Variants in AP1G1 observed in about 807,000 individuals in gnomAD.
The protein encoded by AP1G1 is adaptor related protein complex 1 subunit gamma 1, also known as AP-1 complex subunit gamma-1.
In AP1G1, 7 loss-of-function variants were observed where a neutral mutation model predicts 108.3. The ratio of observed to expected loss-of-function variants is 0.06; its 90% CI spans 0.04 to 0.12. The LOEUF (loss-of-function observed/expected upper bound fraction) is 0.12. Ranked by LOEUF, AP1G1 falls within the 10% of genes least tolerant of loss-of-function variation. AP1G1 has a pLI of 1.00. For missense variants in AP1G1, 756 were observed against 1,010.7 expected, an observed-to-expected ratio of 0.75 and a Z score of 3.42; for synonymous variants, 379 against 353.5, an observed-to-expected ratio of 1.07 and a Z score of -0.81.
chr16:71,761,436 T>C, intron 10 of AP1G1, 76 bp downstream of exon 10: 1 of 1,041,248 alleles, frequency 9.6e-7, no homozygotes, highest in Non-Finnish European at 1.5e-6. Context: ...AATACATGTA[T>C]GATCTTGAGC....
At chr16:71,789,755 T>C (rs1261234969) in intron 1 of AP1G1, among the ~76,000 whole-genome samples, 1 of 152,210 alleles carries the variant, frequency 6.6e-6, no homozygotes, top group African/African-American at 2.4e-5. Flanking sequence ...ATGTAAAGTC[T>C]ATCACTAATA....
At chr16:71,785,742 C>T (rs1019884380) in intron 2 of AP1G1, among the ~76,000 whole-genome samples, 4 of 151,452 alleles carry the variant, frequency 2.6e-5, no homozygotes, top group Non-Finnish European at 5.9e-5. Flanking sequence ...ATTAGCCAGG[C>T]ATGGTGGCAG....
rs1191730477 is a variant in AP1G1, at chr16:71,774,600, A to C, written c.202-8T>G. On this transcript the variant is annotated splice_region_variant and splice_polypyrimidine_tract_variant and intron_variant, in intron 2 of 22. Coordinates refer to ENST00000299980, the MANE Select transcript of AP1G1 (RefSeq NM_001128.6). ...AAGCTTGAGGCACTCCAACTGCAAA[A>C]AAAGAAAAAAAAAAAGAAGGAAATT... The C allele has an allele frequency of 6.4e-7, 1 of 1,552,990 alleles. No individual in the cohort carries two copies.
intron 2 of AP1G1, among the ~76,000 whole-genome samples, chr16:71,781,286 C>CA (rs1230337606): frequency 6.6e-6 from 1 of 151,952 alleles, no homozygotes; most frequent in Non-Finnish European, 1.5e-5. Context: ...GGCAGAAAAA[C>CA]AAAAAACAAA....
chr16:71,774,750 C>T (rs986797100), intron 2 of AP1G1, among the ~76,000 whole-genome samples, 158 bp from the exon 3 acceptor site: 7 of 152,126 alleles, frequency 4.6e-5, no homozygotes, highest in East Asian at 3.9e-4. Flanking sequence ...GACGGGGTTT[C>T]GCTCTGGTTG....
At chr16:71,808,421 C>T (rs2033075706) in intron 1 of AP1G1, 14 of 1,143,708 alleles carry the variant, frequency 1.2e-5, no homozygotes, top group Non-Finnish European at 1.2e-5. Context: ...GGGGGTGGGG[C>T]CCGCCCCGCT....
chr16:71,740,792 A>ACGT (rs965940333), intron 19 of AP1G1, among the ~76,000 whole-genome samples: 1 of 152,248 alleles, frequency 6.6e-6, no homozygotes, highest in African/African-American at 2.4e-5. Flanking sequence ...GACAGTAGTT[A>ACGT]CGTCTGGAAT....
Position 71,769,667 on chromosome 16 carries a change from C to G in AP1G1, c.598G>C (p.Glu200Gln). Residue 200 changes from glutamate to glutamine, a missense_variant, in exon 6 of 23, where the codon GAA (glutamate) becomes CAA (glutamine). Transcript: ENST00000299980. ...VLHTSVVLLTEMCERSPDMLA... is the reference protein window; with the variant it reads ...VLHTSVVLLTQMCERSPDMLA... ...ATGTCTGGGCTTCGCTCACACATTTCTGTGAGGAGGACTACAGATGTGTGG... is the reference window on the plus strand; with the variant it reads ...ATGTCTGGGCTTCGCTCACACATTTGTGTGAGGAGGACTACAGATGTGTGG... 1.2e-6 allele frequency: 2 copies of G among 1,613,652 alleles called. No individual in the cohort carries two copies. Among genetic ancestry groups the G allele is most frequent in the Non-Finnish European group, 1.7e-6 (2 of 1,179,698 alleles).
chr16:71,736,558 ATTTAT>A (rs2045546900), intron 21 of AP1G1, among the ~76,000 whole-genome samples: 1 of 52,316 alleles, frequency 1.9e-5, no homozygotes. Flanking sequence ...TTTATTATTT[ATTTAT>A]TTATTTATTT....
chr16:71,766,449 G>T, intron 6 of AP1G1: 1 of 468,040 alleles, frequency 2.1e-6, no homozygotes, highest in Non-Finnish European at 4.4e-6. Context: ...TTTCATTTCT[G>T]TTGATCAATT....
At chr16:71,736,551 A>AT (rs1229484640) in intron 21 of AP1G1, among the ~76,000 whole-genome samples, 2 of 105,904 alleles carry the variant, frequency 1.9e-5, no homozygotes, top group African/African-American at 7.6e-5. Context: ...CGGCTAATTT[A>AT]TTATTTATTT....
At chr16:71,733,413 A>G (rs1375040239) in intron 22 of AP1G1, among the ~76,000 whole-genome samples, 1 of 152,116 alleles carries the variant, frequency 6.6e-6, no homozygotes, top group Non-Finnish European at 1.5e-5. Flanking sequence ...AACTGCATTA[A>G]AAGGACAGAA....
Position 71,754,536 on chromosome 16 carries a change from C to T in AP1G1, c.1230-649G>A, listed in dbSNP as rs1389240357. On this transcript the variant is annotated intron_variant, in intron 12 of 22. Transcript: ENST00000299980. ...AGTCAACTGACTTCAGTGGCTCATG[C>T]CTATAATCCCAGTACTTTGGGACGC... Among the ~76,000 whole-genome samples, 3 of 152,272 alleles carry T rather than the reference C, an allele frequency of 2.0e-5. No homozygotes were observed. In the East Asian group the frequency reaches 5.8e-4, roughly 29 times the overall value.
At chr16:71,786,649 G>A (rs950503573) in intron 2 of AP1G1, among the ~76,000 whole-genome samples, 2 of 151,954 alleles carry the variant, frequency 1.3e-5, no homozygotes, top group African/African-American at 4.8e-5. Context: ...TTAGTAGAGA[G>A]GGGGTTCCAC....
chr16:71,752,965 T>C (rs994027292), intron 13 of AP1G1, among the ~76,000 whole-genome samples: 11 of 152,314 alleles, frequency 7.2e-5, no homozygotes, highest in Admixed American at 2.0e-4. Flanking sequence ...AAATTATTCA[T>C]AGATTGAATA....
intron 1 of AP1G1, among the ~76,000 whole-genome samples, chr16:71,798,344 G>A (rs1033319492): frequency 6.6e-6 from 1 of 152,050 alleles, no homozygotes; most frequent in African/African-American, 2.4e-5. Flanking sequence ...GACTATAGGC[G>A]CGTGCCACCA....
At chr16:71,768,963 T>TC (rs1300697469) in intron 6 of AP1G1, among the ~76,000 whole-genome samples, 1 of 44,050 alleles carries the variant, frequency 2.3e-5, no homozygotes, top group Non-Finnish European at 3.9e-5. Context: ...AATTCCTGCC[T>TC]TTAAAAAAAA....
intron 1 of AP1G1, 111 bp from the exon 2 acceptor site, chr16:71,789,593 C>A (rs2032324654): frequency 2.7e-6 from 3 of 1,094,896 alleles, no homozygotes; most frequent in African/African-American, 3.1e-5. Flanking sequence ...CAAGACTTGC[C>A]AAATCCAGCT....
chr16:71,804,292 C>T (rs1002125731), intron 1 of AP1G1, among the ~76,000 whole-genome samples: 9 of 151,904 alleles, frequency 5.9e-5, no homozygotes, highest in Non-Finnish European at 8.8e-5. Flanking sequence ...GTGATCCACC[C>T]GCCTCGGCCT....
Sources: allele counts gnomAD v4.1 joint callset (sites outside exome capture counted in the v4.1 genomes callset), GRCh38; gene constraint gnomAD v4.1.1; transcripts MANE v1.5; gene names NCBI Gene and HGNC (gene_info 2026-07-23, HGNC 2026-07-21).